NELL1: variants seen among roughly 807,000 people sequenced by gnomAD.
NELL1 encodes the protein protein kinase C-binding protein NELL1.
NELL1 carries 76 observed loss-of-function variants against 107.4 expected under a neutral mutation model. The ratio of observed to expected loss-of-function variants is 0.71; its 90% CI spans 0.59 to 0.86. The LOEUF is 0.86. NELL1 is among the 40% of genes least tolerant of loss of function. The pLI is 0.00. For missense variants in NELL1, 1,024 were observed against 1,005.5 expected, an observed-to-expected ratio of 1.02 and a Z score of -0.25; for synonymous variants, 353 against 341.2, an observed-to-expected ratio of 1.03 and a Z score of -0.38.
chr11:20,704,391 T>C (rs993305778), intron 2 of NELL1, among the ~76,000 whole-genome samples: 18 of 152,222 alleles, frequency 1.2e-4, no homozygotes, highest in African/African-American at 4.3e-4. Context: ...TTTGAGCCTA[T>C]GTGTGTCTCT....
At chr11:21,340,995 T>C (rs1850551500) in intron 14 of NELL1, among the ~76,000 whole-genome samples, 1 of 152,170 alleles carries the variant, frequency 6.6e-6, no homozygotes, top group African/African-American at 2.4e-5. Flanking sequence ...TTGTGACAAC[T>C]CCATCTCTGC....
intron 14 of NELL1, among the ~76,000 whole-genome samples, chr11:21,314,417 A>G (rs1319022394): frequency 1.3e-5 from 2 of 152,300 alleles, no homozygotes; most frequent in East Asian, 1.9e-4. Context: ...TGTGAATACT[A>G]TTAGTAATGA....
intron 13 of NELL1, among the ~76,000 whole-genome samples, chr11:21,169,565 G>T (rs976329007): frequency 2.0e-5 from 3 of 151,890 alleles, no homozygotes; most frequent in African/African-American, 7.3e-5. Flanking sequence ...TTTGATTTGT[G>T]ATTTTCTATT....
intron 14 of NELL1, among the ~76,000 whole-genome samples, chr11:21,251,223 A>G (rs976766073): frequency 4.6e-5 from 7 of 152,152 alleles, no homozygotes; most frequent in Non-Finnish European, 1.0e-4. Flanking sequence ...CAGCATGCCT[A>G]CATTATCTAG....
intron 12 of NELL1, among the ~76,000 whole-genome samples, chr11:20,963,681 G>A (rs1377969466): frequency 6.6e-6 from 1 of 152,082 alleles, no homozygotes; most frequent in East Asian, 1.9e-4. Flanking sequence ...ACTCTCTGAG[G>A]CTTCATTCGT....
In NELL1 at chr11:20,870,283, T is replaced by G. The variant is rs113172453; in HGVS notation, c.507-15161T>G. 8.8e-3 allele frequency among the ~76,000 whole-genome samples: 1,340 copies of G among 152,326 alleles called. 13 individuals are homozygous for G. Among genetic ancestry groups the G allele is most frequent in the African/African-American group, 0.03 (1,246 of 41,564 alleles). On this transcript the variant is annotated intron_variant, in intron 4 of 19. Transcript: ENST00000357134. ...AACTCTTGGGTTTATTCTTTACCCATTAGTTTTCTTCAAAACTTTGTCTCA... is the reference window on the plus strand; with the variant it reads ...AACTCTTGGGTTTATTCTTTACCCAGTAGTTTTCTTCAAAACTTTGTCTCA...
chr11:21,030,566 A>C (rs1852927778), intron 12 of NELL1, among the ~76,000 whole-genome samples: 1 of 151,132 alleles, frequency 6.6e-6, no homozygotes. Context: ...ATATAATTCA[A>C]TTTCAGAGAT....
intron 12 of NELL1, among the ~76,000 whole-genome samples, chr11:21,077,982 G>A (rs1854180876): frequency 6.6e-6 from 1 of 151,960 alleles, no homozygotes; most frequent in Non-Finnish European, 1.5e-5. Flanking sequence ...ATTTTATAAA[G>A]CAGAACCATA....
chr11:20,956,669 A>C (rs950087146), intron 11 of NELL1, among the ~76,000 whole-genome samples: 2 of 151,684 alleles, frequency 1.3e-5, no homozygotes, highest in Non-Finnish European at 2.9e-5. Flanking sequence ...AAAAATTACT[A>C]ATCTCATCCG....
intron 2 of NELL1, among the ~76,000 whole-genome samples, chr11:20,734,899 C>T (rs1387951961): frequency 3.9e-5 from 6 of 152,160 alleles, no homozygotes; most frequent in Admixed American, 2.0e-4. Context: ...AATCCAATTT[C>T]TCAGGCTTCT....
chr11:20,992,686 C>G (rs1852000771), intron 12 of NELL1, among the ~76,000 whole-genome samples: 1 of 148,596 alleles, frequency 6.7e-6, no homozygotes, highest in Admixed American at 6.7e-5. Context: ...GGAATGACTG[C>G]TACTTCCCTA....
chr11:21,231,545 C>A (rs558388644), intron 14 of NELL1, among the ~76,000 whole-genome samples: 6 of 152,286 alleles, frequency 3.9e-5, no homozygotes, highest in African/African-American at 7.2e-5. Context: ...TGCTATAAAT[C>A]TGAGGAGCAA....
At chr11:20,958,015 T>C (rs1306525207) in intron 11 of NELL1, among the ~76,000 whole-genome samples, 1 of 152,174 alleles carries the variant, frequency 6.6e-6, no homozygotes, top group Non-Finnish European at 1.5e-5. Context: ...TTTTCCAAAA[T>C]GATGAAAGAT....
intron 5 of NELL1, among the ~76,000 whole-genome samples, chr11:20,899,468 C>T (rs1196300478): frequency 6.6e-6 from 1 of 152,080 alleles, no homozygotes; most frequent in Non-Finnish European, 1.5e-5. Flanking sequence ...TTGTGAGATG[C>T]AGCTAAAGCA....
chr11:20,815,746 G>A (rs1857610388), intron 3 of NELL1, among the ~76,000 whole-genome samples: 1 of 152,064 alleles, frequency 6.6e-6, no homozygotes, highest in Non-Finnish European at 1.5e-5. Flanking sequence ...TGTCCAGAAT[G>A]GTATTTCCTA....
intron 12 of NELL1, among the ~76,000 whole-genome samples, chr11:21,068,821 A>G (rs1021705541): frequency 6.6e-6 from 1 of 152,138 alleles, no homozygotes; most frequent in Non-Finnish European, 1.5e-5. Context: ...TGAATACCTA[A>G]AGTTTGCCTG....
chr11:20,916,775 G>A (rs929883983), intron 5 of NELL1, among the ~76,000 whole-genome samples: 4 of 151,850 alleles, frequency 2.6e-5, no homozygotes, highest in Admixed American at 2.6e-4. Context: ...AGTAATGAAA[G>A]CATAGATGTC....
chr11:21,324,511 T>C (rs932213890), intron 14 of NELL1, among the ~76,000 whole-genome samples: 49 of 152,138 alleles, frequency 3.2e-4, no homozygotes, highest in Non-Finnish European at 7.1e-4. Context: ...CTGATACAAA[T>C]ACCTGCTTCC....
chr11:20,817,411 G>A (rs191948482), intron 3 of NELL1, among the ~76,000 whole-genome samples: 10 of 152,072 alleles, frequency 6.6e-5, no homozygotes, highest in Admixed American at 3.3e-4. Flanking sequence ...CTAGATTTTC[G>A]AGTTCGTGTG....
Sources: allele counts gnomAD v4.1 joint callset (sites outside exome capture counted in the v4.1 genomes callset), GRCh38; gene constraint gnomAD v4.1.1; transcripts MANE v1.5; gene names NCBI Gene and HGNC (gene_info 2026-07-23, HGNC 2026-07-21).